SLC24A2: variants seen among roughly 807,000 people sequenced by gnomAD.
SLC24A2 encodes sodium/potassium/calcium exchanger 2.
In SLC24A2, 36 loss-of-function variants were observed where a neutral mutation model predicts 62.0. The observed-to-expected ratio is 0.58, with a 90% CI of 0.44 to 0.77. The LOEUF is 0.77. Ranked by LOEUF, SLC24A2 falls within the 30% of genes least tolerant of loss-of-function variation. The probability of loss-of-function intolerance (pLI) is 0.00; values close to 1 mark genes in which losing one functional copy is unlikely to be tolerated. For synonymous variants in SLC24A2, 358 were observed against 294.0 expected, an observed-to-expected ratio of 1.22 and a Z score of -2.23; for missense variants, 846 against 817.9, an observed-to-expected ratio of 1.03 and a Z score of -0.42.
the SLC24A2 span, chr9:19,929,091 G>A: frequency 9.9e-5 from 15 of 152,270 alleles, no homozygotes; most frequent in South Asian, 2.1e-4. Context: ...ACATGGTTGG[G>A]TATCGCTTTG....
chr9:20,296,033 G>A, the SLC24A2 span, among the ~76,000 whole-genome samples: 1 of 152,188 alleles, frequency 6.6e-6, no homozygotes, highest in Admixed American at 6.5e-5. Context: ...AGAGATCTGT[G>A]AAAGTTGTTC....
the SLC24A2 span, among the ~76,000 whole-genome samples, chr9:19,883,206 T>C: frequency 9.2e-5 from 14 of 152,214 alleles, no homozygotes; most frequent in Non-Finnish European, 1.5e-5. Flanking sequence ...CAAATGTCTC[T>C]ATTTCTTAGA....
the SLC24A2 span, among the ~76,000 whole-genome samples, chr9:19,975,374 A>C: frequency 1.3e-5 from 2 of 152,334 alleles, no homozygotes; most frequent in South Asian, 4.1e-4. Flanking sequence ...ACTCTGCTAC[A>C]TGAATTCTTC....
rs1348115192 is a variant in SLC24A2 at position 19,632,911 on chromosome 9, A to T, written c.931-10612T>A. ...TCATGTAACCACCACTGCAATCAAGATAATTAACTATAACATCATCACAAG... is the reference window on the plus strand; with the variant it reads ...TCATGTAACCACCACTGCAATCAAGTTAATTAACTATAACATCATCACAAG... On this transcript the variant is annotated intron_variant, in intron 2 of 10. Transcript: ENST00000341998. The surrounding 1 kb of genome is among the most constrained non-coding windows in gnomAD (Gnocchi z 4.5). Among the ~76,000 whole-genome samples, 4 of 152,218 alleles carry T rather than the reference A, an allele frequency of 2.6e-5. No homozygotes were observed. The highest frequency in any genetic ancestry group is 4.4e-5 in the Non-Finnish European group (3 of 68,044).
the SLC24A2 span, among the ~76,000 whole-genome samples, chr9:19,914,101 C>T: frequency 2.0e-5 from 3 of 152,002 alleles, no homozygotes; most frequent in Admixed American, 6.6e-5. Context: ...ATATCTAGTC[C>T]GTTACCAAAT....
At chr9:19,989,270 G>C in the SLC24A2 span, among the ~76,000 whole-genome samples, 1 of 152,206 alleles carries the variant, frequency 6.6e-6, no homozygotes, top group East Asian at 1.9e-4. Context: ...TAAGTACCTT[G>C]GAAGAGTCTC....
the SLC24A2 span, among the ~76,000 whole-genome samples, chr9:20,061,771 G>A: frequency 1.3e-5 from 2 of 151,978 alleles, no homozygotes; most frequent in African/African-American, 2.4e-5. Context: ...ACGGCCTTTG[G>A]TTAGTCAAGG....
the SLC24A2 span, among the ~76,000 whole-genome samples, chr9:20,136,573 C>CA: frequency 1.3e-5 from 2 of 152,156 alleles, no homozygotes; most frequent in Non-Finnish European, 2.9e-5. Flanking sequence ...ATTGCCCCAA[C>CA]ATATTTACCA....
intron 2 of SLC24A2, among the ~76,000 whole-genome samples, chr9:19,784,177 G>A (rs542319145): frequency 2.0e-3 from 307 of 152,250 alleles, no homozygotes; most frequent in African/African-American, 7.1e-3. Flanking sequence ...TTAATGAATG[G>A]TTTATAATTG....
chr9:19,817,761 G>A, the SLC24A2 span, among the ~76,000 whole-genome samples: 2 of 151,896 alleles, frequency 1.3e-5, no homozygotes, highest in African/African-American at 4.8e-5. Context: ...ACAAATTCTT[G>A]CTCTGTTGCT....
At chr9:20,295,363 C>G in the SLC24A2 span, among the ~76,000 whole-genome samples, 1 of 152,106 alleles carries the variant, frequency 6.6e-6, no homozygotes, top group African/African-American at 2.4e-5. Flanking sequence ...TTGTTAGTGT[C>G]TTTGTTTAGA....
At chr9:19,790,599 GATA>G (rs1424852759), upstream of SLC24A2, among the ~76,000 whole-genome samples, 2 of 150,164 alleles carry the variant, frequency 1.3e-5, no homozygotes, top group African/African-American at 4.9e-5. Context: ...TCTATTAATT[GATA>G]ATATTTTAAA....
chr9:19,741,917 G>C (rs1004533756), intron 2 of SLC24A2, among the ~76,000 whole-genome samples: 2 of 152,106 alleles, frequency 1.3e-5, no homozygotes, highest in African/African-American at 4.8e-5. Flanking sequence ...TTTAAAATAT[G>C]ACTATTGAAA....
chr9:20,278,619 T>A, the SLC24A2 span, among the ~76,000 whole-genome samples: 1 of 152,212 alleles, frequency 6.6e-6, no homozygotes, highest in Admixed American at 6.5e-5. Context: ...CATATCACTA[T>A]CAGCATTTTG....
At chr9:20,119,142 A>G in the SLC24A2 span, among the ~76,000 whole-genome samples, 1 of 152,124 alleles carries the variant, frequency 6.6e-6, no homozygotes, top group Non-Finnish European at 1.5e-5. Flanking sequence ...CTGTAAGATA[A>G]TTATACTAAT....
At position 19,513,708 on chromosome 9, in the gene SLC24A2, C is replaced by G. The variant is rs933558074; in HGVS notation, c.*2445G>C. On this transcript the variant is annotated 3_prime_UTR_variant, in exon 11 of 11. Transcript: ENST00000341998. ...TCCTTCAACTTCTGTTTTACATGGT[C>G]TGTTTGCAGTTGAGTCAGTCACCTA... 1 of 152,170 alleles carries G rather than the reference C, an allele frequency of 6.6e-6. No homozygotes were observed. Among genetic ancestry groups the G allele is most frequent in the South Asian group, 2.1e-4 (1 of 4,822 alleles). The allele number at this position is 152,170 out of a possible 1,614,324, so 9.4% of individuals were successfully genotyped here.
At chr9:20,000,978 T>C in the SLC24A2 span, among the ~76,000 whole-genome samples, 1 of 152,204 alleles carries the variant, frequency 6.6e-6, no homozygotes, top group Non-Finnish European at 1.5e-5. Context: ...GTAAGATGAA[T>C]ATTATCTTGG....
the SLC24A2 span, among the ~76,000 whole-genome samples, chr9:20,170,117 C>G: frequency 9.5e-3 from 1,394 of 146,844 alleles, 24 homozygotes; most frequent in African/African-American, 0.034. Flanking sequence ...CGAATTAACC[C>G]AATCCAACAA....
At chr9:20,246,460 G>T in the SLC24A2 span, among the ~76,000 whole-genome samples, 4 of 152,172 alleles carry the variant, frequency 2.6e-5, no homozygotes, top group African/African-American at 9.7e-5. Flanking sequence ...CTATAAACAT[G>T]CAAACATTCA....
Sources: gnomAD v4.1 joint callset for allele counts (sites outside exome capture counted in the v4.1 genomes callset) on GRCh38, gnomAD v4.1.1 for gene constraint, Gnocchi (gnomAD v3.1) non-coding constraint, MANE v1.5 for transcripts, NCBI Gene and HGNC (gene_info 2026-07-23, HGNC 2026-07-21) for gene names.